The following ZNF624 variants were observed in gnomAD, a reference collection of about 807,000 sequenced individuals.
ZNF624 encodes zinc finger protein 624.
In ZNF624, 43 loss-of-function variants were observed where a neutral mutation model predicts 74.7. The observed-to-expected ratio is 0.58, with a 90% CI of 0.45 to 0.74. The LOEUF (loss-of-function observed/expected upper bound fraction) is 0.74. ZNF624 is among the 30% of genes least tolerant of loss of function. The pLI, the probability that ZNF624 is intolerant of heterozygous loss-of-function variation, is 0.00. For missense variants in ZNF624, 820 were observed against 1,030.0 expected (o/e 0.80, Z 2.79); for synonymous variants, 331 against 341.3 (o/e 0.97, Z 0.33).
downstream of ZNF624, chr17:16,617,801 G>A (rs1908823186): frequency 1.7e-5 from 28 of 1,611,988 alleles, no homozygotes; most frequent in Non-Finnish European, 2.3e-5. Flanking sequence ...CTTCGAGGAG[G>A]CGGCCATAGC....
intron 1 of ZNF624, among the ~76,000 whole-genome samples, chr17:16,652,120 A>C (rs1459776707): frequency 6.6e-6 from 1 of 152,164 alleles, no homozygotes; most frequent in Non-Finnish European, 1.5e-5. Context: ...TCACCACTAC[A>C]CAATCTATGC....
At chr17:16,647,206 T>C (rs1379416359) in intron 3 of ZNF624, 123 bp downstream of exon 3, 12 of 876,494 alleles carry the variant, frequency 1.4e-5, no homozygotes, top group Admixed American at 5.6e-5. Context: ...CCACCAGCCC[T>C]GGGGCTACCA....
At chr17:16,618,738 A>G (rs1290800064), downstream of ZNF624, among the ~76,000 whole-genome samples, 2 of 152,026 alleles carry the variant, frequency 1.3e-5, no homozygotes, top group African/African-American at 2.4e-5. Context: ...GATCTTGATG[A>G]TGATCCACTT....
At chr17:16,639,515 A>G (rs575951825) in intron 3 of ZNF624, among the ~76,000 whole-genome samples, 2 of 152,226 alleles carry the variant, frequency 1.3e-5, no homozygotes, top group East Asian at 3.9e-4. Context: ...GAAGGCCCTC[A>G]TCTCTCATCT....
intron 2 of ZNF624, 54 bp from the exon 3 acceptor site, chr17:16,647,448 C>A: frequency 6.7e-7 from 1 of 1,490,950 alleles, no homozygotes; most frequent in Non-Finnish European, 9.4e-7. Flanking sequence ...TGACTTACAG[C>A]AGAGCCTCAA....
Position 16,622,893 on chromosome 17 carries a change from C to T in ZNF624, c.1993G>A (p.Glu665Lys), listed in dbSNP as rs1908958764. 6.2e-7 allele frequency: 1 copy of T among 1,613,862 alleles called. No homozygotes were observed. Among genetic ancestry groups the T allele is most frequent in the Non-Finnish European group, 8.5e-7 (1 of 1,179,946 alleles). Reference sequence around the variant, plus strand: ...CATTCATTACATTTATATGGTTTTTCTCCAGTATGGGTCCTCTGATGTACA... The same window carrying T: ...CATTCATTACATTTATATGGTTTTTTTCCAGTATGGGTCCTCTGATGTACA... ...LIVHQRTHTG[E>K]KPYKCNECEK... The change falls in exon 6 of 6, where the codon GAA (glutamate) becomes AAA (lysine). Residue 665 changes from glutamate to lysine, a missense_variant. Coordinates refer to ENST00000311331, the MANE Select transcript of ZNF624 (RefSeq NM_020787.4).
At chr17:16,618,782 C>CTTA (rs56829082), downstream of ZNF624, among the ~76,000 whole-genome samples, 60,828 of 151,784 alleles carry the variant, frequency 0.4, 14,178 homozygotes, top group African/African-American at 0.64. Flanking sequence ...TTTTCTCTCC[C>CTTA]TTATTTTCTT....
At chr17:16,647,830 G>A (rs1909630167) in intron 2 of ZNF624, among the ~76,000 whole-genome samples, 1 of 152,076 alleles carries the variant, frequency 6.6e-6, no homozygotes, top group Non-Finnish European at 1.5e-5. Context: ...TGGCTCAACA[G>A]TCACTCAGGA....
chr17:16,614,564 A>G, the ZNF624 span, among the ~76,000 whole-genome samples: 3 of 152,292 alleles, frequency 2.0e-5, no homozygotes, highest in South Asian at 6.2e-4. Flanking sequence ...TACTCTGGTA[A>G]TTTTTACACA....
intron 1 of ZNF624, among the ~76,000 whole-genome samples, chr17:16,650,046 C>T (rs1909684528): frequency 6.6e-6 from 1 of 152,082 alleles, no homozygotes. Flanking sequence ...GGAAACTGAA[C>T]CTAAAAAAAT....
downstream of ZNF624, among the ~76,000 whole-genome samples, chr17:16,619,837 G>A (rs781316087): frequency 2.0e-5 from 3 of 152,234 alleles, no homozygotes; most frequent in Non-Finnish European, 4.4e-5. Context: ...GATGTAGTGA[G>A]GATTCGGAGG....
At chr17:16,647,534 A>G (rs538202507) in intron 2 of ZNF624, 140 bp from the exon 3 acceptor site, 16 of 671,202 alleles carry the variant, frequency 2.4e-5, no homozygotes, top group Admixed American at 1.1e-4. Context: ...GGCTGAAATC[A>G]AAGTCCCATT....
intron 3 of ZNF624, among the ~76,000 whole-genome samples, chr17:16,639,289 T>C (rs1391133753): frequency 6.6e-6 from 1 of 152,216 alleles, no homozygotes; most frequent in Admixed American, 6.5e-5. Context: ...ATGCTTGTCA[T>C]ACATGTCTTA....
At chr17:16,617,894 C>G, downstream of ZNF624, 1 of 1,551,750 alleles carries the variant, frequency 6.4e-7, no homozygotes, top group South Asian at 1.1e-5. Flanking sequence ...CCGTGGCGGG[C>G]GGGGGCCCAA....
Position 16,622,900 on chromosome 17 carries a change from A to T in ZNF624, c.1986T>A (p.His662Gln). Residue 662 changes from histidine to glutamine, a missense_variant, in exon 6 of 6, where the codon CAT becomes CAA. Physicochemically the swap from His to Gln is conservative, Grantham distance 24. Transcript: ENST00000311331. ...KSYLIVHQRT[H>Q]TGEKPYKCNE... ...TACATTTATATGGTTTTTCTCCAGT[A>T]TGGGTCCTCTGATGTACAATAAGGT... 6.2e-7 allele frequency: 1 copy of T among 1,613,964 alleles called. No individual in the cohort carries two copies. Among genetic ancestry groups the T allele is most frequent in the Non-Finnish European group, 8.5e-7 (1 of 1,179,936 alleles).
Position 16,624,054 on chromosome 17 carries a change from A to G in ZNF624, c.832T>C (p.Cys278Arg), listed in dbSNP as rs768261168. The change falls in exon 6 of 6, where the codon TGT becomes CGT. Residue 278 changes from cysteine to arginine, a missense_variant. Coordinates refer to ENST00000311331, the MANE Select transcript of ZNF624 (RefSeq NM_020787.4). ...TGAAAGGCCTTTTCGCATGTACTAC[A>G]TTTGTAGGGTTTTTCCTTATTATTG... Reference protein sequence around the residue: ...KSNNKEKPYKCSTCEKAFHYR... With the variant: ...KSNNKEKPYKRSTCEKAFHYR... The G allele has an allele frequency of 5.0e-6, 8 of 1,614,046 alleles. No individual in the cohort carries two copies. The highest frequency in any genetic ancestry group is 1.7e-5 in the Admixed American group (1 of 59,998).
chr17:16,617,711 G>T, downstream of ZNF624: 1 of 1,603,786 alleles, frequency 6.2e-7, no homozygotes, highest in Non-Finnish European at 8.5e-7. Context: ...AGAGCTCCTC[G>T]CTGTTCAGCT....
chr17:16,653,017 C>T (rs1909764195), intron 1 of ZNF624, among the ~76,000 whole-genome samples: 2 of 152,222 alleles, frequency 1.3e-5, no homozygotes, highest in Admixed American at 6.5e-5. Context: ...CCAACTATTG[C>T]AAACGTATCC....
At chr17:16,642,763 A>G (rs1909496838) in intron 3 of ZNF624, among the ~76,000 whole-genome samples, 1 of 152,182 alleles carries the variant, frequency 6.6e-6, no homozygotes, top group South Asian at 2.1e-4. Context: ...TTTACAAACC[A>G]TTTATCTGAA....
Sources: allele counts gnomAD v4.1 joint callset (sites outside exome capture counted in the v4.1 genomes callset), GRCh38; gene constraint gnomAD v4.1.1; transcripts MANE v1.5; gene names NCBI Gene and HGNC (gene_info 2026-07-23, HGNC 2026-07-21).